The following SCN9A variants were observed in gnomAD, a reference collection of about 807,000 sequenced individuals.
SCN9A encodes sodium channel protein type 9 subunit alpha.
SCN9A carries 131 observed loss-of-function variants against 187.0 expected under a neutral mutation model. The observed-to-expected ratio is 0.70, with a 90% CI of 0.61 to 0.81. SCN9A has a LOEUF of 0.81. Among genes scored for constraint, SCN9A ranks in the 30% least tolerant of loss-of-function variants. SCN9A has a pLI of 0.00. For missense variants in SCN9A, 2,252 were observed against 2,396.6 expected, an observed-to-expected ratio of 0.94 and a Z score of 1.26; for synonymous variants, 809 against 808.6, an observed-to-expected ratio of 1.00 and a Z score of -0.01.
rs1281923464 is a variant in SCN9A at position 166,204,087 on chromosome 2, A to C, written c.4642T>G (p.Tyr1548Asp). Residue 1548 changes from tyrosine (Y) to aspartate (D), a missense_variant, in exon 26 of 27, where the codon TAT (tyrosine) becomes GAT (aspartate). Tyr to Asp is a radical substitution (Grantham distance 160, BLOSUM62 -3). Transcript: ENST00000642356. ...ATTATAAAAACCACATTTATCCAAT[A>C]TAAAACTTCAGTCATATGTTGACTT... is the stretch of plus-strand genomic sequence containing the variant. ...GQSQHMTEVL[Y>D]WINVVFIILF... The C allele has an allele frequency of 6.2e-7, 1 of 1,612,836 alleles. No individual in the cohort carries two copies. The highest frequency in any genetic ancestry group is 1.1e-5 in the South Asian group (1 of 91,054).
intron 22 of SCN9A, among the ~76,000 whole-genome samples, 170 bp from the exon 23 acceptor site, chr2:166,227,893 C>T (rs1319227904): frequency 6.6e-6 from 1 of 151,994 alleles, no homozygotes; most frequent in South Asian, 2.1e-4. Context: ...GGACATATTC[C>T]CAAGTAACAT....
intron 18 of SCN9A, among the ~76,000 whole-genome samples, chr2:166,249,914 TTAAGTC>T (rs901777496): frequency 2.3e-4 from 35 of 152,204 alleles, no homozygotes; most frequent in Admixed American, 8.5e-4. Context: ...CAATACAAAT[TTAAGTC>T]TATATACTGC....
At chr2:166,281,890 G>A in intron 12 of SCN9A, 82 bp from the exon 13 acceptor site, 4 of 1,270,568 alleles carry the variant, frequency 3.1e-6, no homozygotes, top group Non-Finnish European at 4.3e-6. Context: ...TTATATAGCT[G>A]TAGTGAGTAA....
intron 2 of SCN9A, among the ~76,000 whole-genome samples, chr2:166,308,102 T>A (rs1016726132): frequency 6.6e-6 from 1 of 152,222 alleles, no homozygotes; most frequent in Non-Finnish European, 1.5e-5. Flanking sequence ...ATTTTCCTGC[T>A]CCCTTTCACT....
intron 24 of SCN9A, among the ~76,000 whole-genome samples, chr2:166,206,224 T>C (rs1693797177): frequency 6.6e-6 from 1 of 152,128 alleles, no homozygotes; most frequent in African/African-American, 2.4e-5. Flanking sequence ...TGTATATTTA[T>C]TGCAGCACTA....
chr2:166,313,764 A>C (rs7424841), intron 1 of SCN9A, among the ~76,000 whole-genome samples: 29,502 of 152,200 alleles, frequency 0.19, 3,687 homozygotes, highest in Non-Finnish European at 0.29. Flanking sequence ...AACTTGGCTA[A>C]GTACTTAGTG....
intron 9 of SCN9A, among the ~76,000 whole-genome samples, chr2:166,289,207 T>C (rs990767720): frequency 1.3e-5 from 2 of 151,982 alleles, no homozygotes; most frequent in Admixed American, 6.6e-5. Flanking sequence ...GAGATTTTTT[T>C]TTCTTTTTTT....
intron 26 of SCN9A, among the ~76,000 whole-genome samples, chr2:166,202,199 C>T: frequency 6.7e-6 from 1 of 148,214 alleles, no homozygotes; most frequent in African/African-American, 2.5e-5. Context: ...ATTTCTTCTT[C>T]ATTTTTTTTT....
At chr2:166,215,779 C>CGA (rs71395213) in intron 24 of SCN9A, among the ~76,000 whole-genome samples, 7 of 134,796 alleles carry the variant, frequency 5.2e-5, no homozygotes, top group Admixed American at 1.5e-4. Context: ...GTCTCCTAAC[C>CGA]AAAAAAAAAA....
intron 24 of SCN9A, among the ~76,000 whole-genome samples, chr2:166,222,801 C>G (rs1332946585): frequency 2.7e-5 from 4 of 146,094 alleles, no homozygotes; most frequent in African/African-American, 5.3e-5. Flanking sequence ...CATGGTGGCG[C>G]ACGCCTGTAG....
At chr2:166,276,532 TG>T in intron 16 of SCN9A, 1 of 152,632 alleles carries the variant, frequency 6.6e-6, no homozygotes, top group Non-Finnish European at 1.5e-5. Flanking sequence ...GGCATTGGAC[TG>T]GCTTTGGTCT....
chr2:166,245,238 A>T (rs1695736771), intron 18 of SCN9A, among the ~76,000 whole-genome samples: 2 of 152,046 alleles, frequency 1.3e-5, no homozygotes, highest in Admixed American at 6.6e-5. Context: ...GATATACAGA[A>T]TGTTCAATAA....
At position 166,198,604 on chromosome 2, in the gene SCN9A, CAA is replaced by C. The variant is rs1301644882; in HGVS notation, c.*66_*67del. 8.0e-7 allele frequency: 1 copy of C among 1,244,664 alleles called. No homozygotes were observed. The highest frequency in any genetic ancestry group is 2.5e-5 in the East Asian group (1 of 39,866). 77.1% of individuals were successfully genotyped at this position (1,244,664 alleles called of 1,614,324 possible). ...AAAAGGATTTTGGCATAGACTTCCT[CAA>C]AAGAGTTTTATTAACACAAATAAAT... On this transcript the variant is annotated 3_prime_UTR_variant, in exon 27 of 27. Coordinates refer to ENST00000642356, the MANE Select transcript of SCN9A (RefSeq NM_001365536.1).
chr2:166,278,398 T>G lies in SCN9A; in HGVS notation c.2344-85A>C, dbSNP rs556209314. 1.3e-4 allele frequency: 146 copies of G among 1,166,504 alleles called. No homozygotes were observed. In the African/African-American group the frequency reaches 2.2e-3, roughly 18 times the overall value. 72.3% of individuals were successfully genotyped at this position (1,166,504 alleles called of 1,614,324 possible). ...ATAATAATCACTGTTTGCTTAGCATTTACTGTGTTCCAGACAGTTTGCTAA... is the reference window on the plus strand; with the variant it reads ...ATAATAATCACTGTTTGCTTAGCATGTACTGTGTTCCAGACAGTTTGCTAA... On this transcript the variant is annotated intron_variant, in intron 14 of 26. Coordinates refer to ENST00000642356, the MANE Select transcript of SCN9A (RefSeq NM_001365536.1).
At chr2:166,357,555 A>T (rs1357203825) in intron 1 of SCN9A, among the ~76,000 whole-genome samples, 1 of 152,158 alleles carries the variant, frequency 6.6e-6, no homozygotes, top group Admixed American at 6.5e-5. Context: ...ACAGTTGATA[A>T]TCCCCATGAC....
intron 20 of SCN9A, among the ~76,000 whole-genome samples, chr2:166,235,434 A>C (rs1338284506): frequency 6.6e-6 from 1 of 152,184 alleles, no homozygotes; most frequent in African/African-American, 2.4e-5. Context: ...GAAATCAGAC[A>C]AGTCCATTCT....
intron 24 of SCN9A, among the ~76,000 whole-genome samples, chr2:166,207,325 TTTAA>T (rs141124022): frequency 0.021 from 3,139 of 152,264 alleles, 117 homozygotes; most frequent in African/African-American, 0.072. Context: ...TACTTATTTT[TTTAA>T]TTGTTTGCTA....
At chr2:166,304,455 T>G in intron 5 of SCN9A, 126 bp from the exon 6 acceptor site, 1 of 754,204 alleles carries the variant, frequency 1.3e-6, no homozygotes, top group Non-Finnish European at 2.1e-6. Flanking sequence ...CAAGTCTTTT[T>G]TGCTATCATA....
intron 1 of SCN9A, among the ~76,000 whole-genome samples, chr2:166,336,029 T>A (rs1206740754): frequency 1.3e-5 from 2 of 152,046 alleles, no homozygotes; most frequent in Non-Finnish European, 2.9e-5. Context: ...TATGTGCAAA[T>A]GTTACACCAT....
Sources: allele counts gnomAD v4.1 joint callset (sites outside exome capture counted in the v4.1 genomes callset), GRCh38; gene constraint gnomAD v4.1.1; transcripts MANE v1.5; gene names NCBI Gene and HGNC (gene_info 2026-07-23, HGNC 2026-07-21).